The following OVGP1 variants were observed in gnomAD, a reference collection of about 807,000 sequenced individuals.
The protein encoded by OVGP1 is oviduct-specific glycoprotein.
In OVGP1, 26 loss-of-function variants were observed where a neutral mutation model predicts 48.2. That is an observed-to-expected ratio of 0.54 (90% CI 0.40 to 0.75). The LOEUF is 0.75. Ranked by LOEUF, OVGP1 falls within the 30% of genes least tolerant of loss-of-function variation. The pLI, the probability that OVGP1 is intolerant of heterozygous loss-of-function variation, is 0.00. For synonymous variants in OVGP1, 294 were observed against 305.7 expected, an observed-to-expected ratio of 0.96 and a Z score of 0.40; for missense variants, 791 against 820.6, an observed-to-expected ratio of 0.96 and a Z score of 0.44.
chr1:111,418,047 G>T (rs1652176562), intron 9 of OVGP1, among the ~76,000 whole-genome samples: 1 of 152,126 alleles, frequency 6.6e-6, no homozygotes, highest in Non-Finnish European at 1.5e-5. Flanking sequence ...TGCTTCCTTT[G>T]CCCAGAATCC....
rs761398748 is a variant in OVGP1, at chr1:111,416,426, C to T, written c.1053G>A (p.Gly351=). The T allele has an allele frequency of 2.5e-5, 40 of 1,606,060 alleles. No homozygotes were observed. The highest frequency in any genetic ancestry group is 3.4e-5 in the Non-Finnish European group (40 of 1,176,296). Residue 351 remains glycine (G), a synonymous_variant, in exon 10 of 11, where the codon GGG becomes GGA. Transcript: ENST00000369732. ...CCATGTCCAATGTCCACACCATGGCCCCCCCAAAATGCTCTCGCCTTATAA... is the reference window on the plus strand; with the variant it reads ...CCATGTCCAATGTCCACACCATGGCTCCCCCAAAATGCTCTCGCCTTATAA... ...AWFIRREHFG[G]AMVWTLDMDD...
chr1:111,419,354 C>T (rs1394410003), intron 9 of OVGP1, among the ~76,000 whole-genome samples: 3 of 152,102 alleles, frequency 2.0e-5, no homozygotes, highest in South Asian at 4.1e-4. Flanking sequence ...AAAAGATCAT[C>T]GAAAAGCTGT....
Position 111,414,738 on chromosome 1 carries a change from T to G in OVGP1, c.1763A>C (p.Gln588Pro). Residue 588 changes from glutamine (Q) to proline (P), a missense_variant, in exon 11 of 11, where the codon CAG becomes CCG. Gln to Pro is a moderately conservative substitution (Grantham distance 76, BLOSUM62 -1). Transcript: ENST00000369732. ...SRNISVTPEG[Q>P]TMPLRGENLT... ...ATTCTCCCCTCTTAAAGGCATAGTC[T>G]GCCCTTCAGGGGTGACTGATATGTT... 6.2e-7 allele frequency: 1 copy of G among 1,613,564 alleles called. No homozygotes were observed. The highest frequency in any genetic ancestry group is 8.5e-7 in the Non-Finnish European group (1 of 1,179,508).
rs754833050 is a variant in OVGP1 at position 111,423,067 on chromosome 1, GAA to G, written c.484-18_484-17del. The G allele has an allele frequency of 7.4e-6, 12 of 1,613,770 alleles. No homozygotes were observed. Among genetic ancestry groups the G allele is most frequent in the Non-Finnish European group, 1.0e-5 (12 of 1,179,980 alleles). On this transcript the variant is annotated splice_polypyrimidine_tract_variant and intron_variant, in intron 5 of 10. Coordinates refer to ENST00000369732, the MANE Select transcript of OVGP1 (RefSeq NM_002557.4). The stretch of plus-strand genomic sequence containing the variant: ...ACAGGAGCTCCTAAGAGGAAAGACA[GAA>G]AGACACAGAGAACTGGACAAACAGA...
intron 6 of OVGP1, among the ~76,000 whole-genome samples, chr1:111,422,718 C>T (rs1210990053): frequency 1.3e-5 from 2 of 152,166 alleles, no homozygotes; most frequent in Non-Finnish European, 2.9e-5. Flanking sequence ...ATTACATCAC[C>T]TCCCTCTGAG....
intron 8 of OVGP1, among the ~76,000 whole-genome samples, chr1:111,419,961 C>A (rs557843792): frequency 1.2e-4 from 19 of 152,242 alleles, no homozygotes; most frequent in Middle Eastern, 3.4e-3. Context: ...AAAAGGGAAC[C>A]AAAGAGTGGA....
At chr1:111,416,166 C>A (rs924496662) in intron 10 of OVGP1, among the ~76,000 whole-genome samples, 157 bp downstream of exon 10, 2 of 152,268 alleles carry the variant, frequency 1.3e-5, no homozygotes, top group Non-Finnish European at 2.9e-5. Flanking sequence ...GGCCAAGTAT[C>A]CCAACAAAGA....
chr1:111,422,143 T>C (rs893333161), intron 6 of OVGP1, among the ~76,000 whole-genome samples: 1 of 152,204 alleles, frequency 6.6e-6, no homozygotes, highest in Non-Finnish European at 1.5e-5. Context: ...AGTGTAACTA[T>C]CTCCATTTTA....
At chr1:111,422,054 G>A (rs377307422) in intron 6 of OVGP1, among the ~76,000 whole-genome samples, 4 of 152,246 alleles carry the variant, frequency 2.6e-5, no homozygotes, top group African/African-American at 7.2e-5. Flanking sequence ...TCTAGAAAGC[G>A]TTCATCATTA....
rs1652080715 is a variant in OVGP1, at chr1:111,414,796, C to T, written c.1705G>A (p.Val569Met). ...GGGACAGTCACCTTTTCACGGGCCA[C>T]AGCCTTCCTTCTAGGGGCCACTGTA... is the stretch of plus-strand genomic sequence containing the variant. ...QNTVAPRRKAVAREKVTVPSR... is the reference protein window; with the variant it reads ...QNTVAPRRKAMAREKVTVPSR... Residue 569 changes from valine (V) to methionine (M), a missense_variant, in exon 11 of 11, where the codon GTG (valine) becomes ATG (methionine). Physicochemically the swap from Val to Met is conservative, Grantham distance 21. Coordinates refer to ENST00000369732, the MANE Select transcript of OVGP1 (RefSeq NM_002557.4). 1.9e-6 allele frequency: 3 copies of T among 1,601,292 alleles called. No individual in the cohort carries two copies. Among genetic ancestry groups the T allele is most frequent in the South Asian group, 2.2e-5 (2 of 90,010 alleles).
At chr1:111,423,200 T>G in intron 5 of OVGP1, 149 bp from the exon 6 acceptor site, 1 of 912,062 alleles carries the variant, frequency 1.1e-6, no homozygotes, top group Non-Finnish European at 1.7e-6. Flanking sequence ...CACAGGCTCA[T>G]GAGACAGGCA....
At position 111,426,574 on chromosome 1, in the gene OVGP1, G is replaced by A. The variant is rs1557785515; in HGVS notation, c.123C>T (p.Ile41=). 6.2e-7 allele frequency: 1 copy of A among 1,614,162 alleles called. No individual in the cohort carries two copies. Among genetic ancestry groups the A allele is most frequent in the African/African-American group, 1.3e-5 (1 of 75,042 alleles). The change falls in exon 3 of 11, where the codon ATC becomes ATT. Residue 41 remains isoleucine (I), a synonymous_variant. Transcript: ENST00000369732. The part of the protein sequence containing the change: ...WAHSRPGPAS[I]LPHDLDPFLC... ...GAAAGGGGTCCAGGTCATGGGGCAA[G>A]ATCGAGGCAGGGCCTGGCCGACTGT...
In OVGP1 at chr1:111,421,337, G is replaced by A. The variant is rs745563797; in HGVS notation, c.842C>T (p.Ala281Val). ...KASKNGLQAR[A>V]IGPASPGKYT... ...CTTCCCTGGAGATGCTGGTCCGATC[G>A]CTCTGGCCTGCAACCCATTCTTAGA... Residue 281 changes from alanine to valine, a missense_variant, in exon 8 of 11, where the codon GCG (alanine) becomes GTG (valine). Ala to Val is a moderately conservative substitution (Grantham distance 64). Coordinates refer to ENST00000369732, the MANE Select transcript of OVGP1 (RefSeq NM_002557.4). 9.3e-6 allele frequency: 15 copies of A among 1,613,900 alleles called. 1 individual carries two copies. Among genetic ancestry groups the A allele is most frequent in the East Asian group, 8.9e-5 (4 of 44,892 alleles).
chr1:111,420,660 A>G (rs185512498), intron 8 of OVGP1, among the ~76,000 whole-genome samples: 144 of 152,300 alleles, frequency 9.5e-4, no homozygotes, highest in Non-Finnish European at 1.6e-3. Flanking sequence ...TGTGGCTCGT[A>G]TTGCCACCTC....
rs1652393274 is a variant in OVGP1 at position 111,426,231 on chromosome 1, A to ACATTCCAG, written c.260+205_260+206insCTGGAATG. On this transcript the variant is annotated intron_variant, in intron 3 of 10. Coordinates refer to ENST00000369732, the MANE Select transcript of OVGP1 (RefSeq NM_002557.4). ...GAAGCACATTCCAGGCAGAGACAACAGCAACTACAAAAGTAAGGAGGCAGG... is the reference window on the plus strand; with the variant it reads ...GAAGCACATTCCAGGCAGAGACAACACATTCCAGGCAACTACAAAAGTAAGGAGGCAGG... Among the ~76,000 whole-genome samples, 8 of 152,328 alleles carry ACATTCCAG rather than the reference A, an allele frequency of 5.3e-5. No individual in the cohort carries two copies. In the East Asian group the frequency reaches 1.5e-3, roughly 29 times the overall value.
intron 4 of OVGP1, 52 bp downstream of exon 4, chr1:111,425,331 A>G: frequency 6.2e-7 from 1 of 1,609,790 alleles, no homozygotes; most frequent in East Asian, 2.2e-5. Context: ...CTTCACGTCT[A>G]ACCAGCCTGC....
At position 111,417,619 on chromosome 1, in the gene OVGP1, G is replaced by GTA. The variant is rs928226357; in HGVS notation, c.1021-1163_1021-1162dup. On this transcript the variant is annotated intron_variant, in intron 9 of 10. Transcript: ENST00000369732. Reference sequence around the variant, plus strand: ...AGAAATTAGTCTGCCAGTTTTGTGTGTATACACACACACACACACATGCAC... The same window carrying GTA: ...AGAAATTAGTCTGCCAGTTTTGTGTGTATATACACACACACACACACATGCAC... Among the ~76,000 whole-genome samples, 5 of 151,306 alleles carry GTA rather than the reference G, an allele frequency of 3.3e-5. No homozygotes were observed. The Admixed American group carries it at 3.3e-4, about 10-fold the overall frequency.
At chr1:111,424,721 A>G (rs1652356815) in intron 4 of OVGP1, among the ~76,000 whole-genome samples, 1 of 152,292 alleles carries the variant, frequency 6.6e-6, no homozygotes, top group South Asian at 2.1e-4. Context: ...CCATCTTGTA[A>G]AGTGCATCCT....
In OVGP1 at chr1:111,414,746, A is replaced by G. The variant is rs1320826647; in HGVS notation, c.1755T>C (p.Pro585=). The change falls in exon 11 of 11, where the codon CCT becomes CCC. Residue 585 remains proline, a synonymous_variant. Transcript: ENST00000369732. ...TVPSRNISVT[P]EGQTMPLRGE... ...CTCTTAAAGGCATAGTCTGCCCTTCAGGGGTGACTGATATGTTTCTGGAGG... is the reference window on the plus strand; with the variant it reads ...CTCTTAAAGGCATAGTCTGCCCTTCGGGGGTGACTGATATGTTTCTGGAGG... 6.2e-7 allele frequency: 1 copy of G among 1,612,056 alleles called. No homozygotes were observed. The highest frequency in any genetic ancestry group is 1.1e-5 in the South Asian group (1 of 91,014).
Sources: gnomAD v4.1 joint callset for allele counts (sites outside exome capture counted in the v4.1 genomes callset) on GRCh38, gnomAD v4.1.1 for gene constraint, MANE v1.5 for transcripts, NCBI Gene and HGNC (gene_info 2026-07-23, HGNC 2026-07-21) for gene names.